Variants in GNAS observed in about 807,000 individuals in gnomAD.
The protein encoded by GNAS is GNAS complex locus.
Under a neutral mutation model 54.5 loss-of-function variants are expected in GNAS, and 8 were observed. The observed-to-expected ratio is 0.15, with a 90% CI of 0.09 to 0.26. The LOEUF is 0.26. Ranked by LOEUF, GNAS falls within the 10% of genes least tolerant of loss-of-function variation. The probability of loss-of-function intolerance (pLI) is 1.00; values close to 1 mark genes in which losing one functional copy is unlikely to be tolerated. For missense variants in GNAS, 170 were observed against 529.8 expected, an observed-to-expected ratio of 0.32 and a Z score of 6.67; for synonymous variants, 204 against 191.4, an observed-to-expected ratio of 1.07 and a Z score of -0.54.
chr20:58,908,934 C>T, intron 6 of GNAS: 1 of 645,490 alleles, frequency 1.5e-6, no homozygotes, highest in Non-Finnish European at 2.8e-6. Context: ...CTAGAGTTCC[C>T]TGATTCCTAA....
upstream of GNAS, among the ~76,000 whole-genome samples, chr20:58,889,726 G>A (rs1254209598): frequency 3.3e-5 from 5 of 151,052 alleles, no homozygotes; most frequent in Admixed American, 1.3e-4. Flanking sequence ...CCCGAAGCCC[G>A]GGCAGCCGCG....
At chr20:58,854,952 G>T in intron 1 of GNAS, 1 of 1,609,822 alleles carries the variant, frequency 6.2e-7, no homozygotes, top group East Asian at 2.2e-5. Flanking sequence ...CGGCCGCCGC[G>T]TGTACTACGA....
chr20:58,853,885 C>G lies in GNAS; in HGVS notation c.43+12999C>G. ...CCCGAGGAGCCCCAAGCCCTCAGGC[C>G]TGCAAAGGCTGGCTCCAGAGGAGGC... On this transcript the variant is annotated intron_variant, in intron 1 of 12. Transcript: ENST00000306090. This position sits in a 1 kb window ranked among gnomAD's most constrained non-coding sequence, Gnocchi z 4.4. The G allele has an allele frequency of 6.3e-7, 1 of 1,599,032 alleles. No individual in the cohort carries two copies. Among genetic ancestry groups the G allele is most frequent in the Non-Finnish European group, 8.5e-7 (1 of 1,173,306 alleles).
At chr20:58,861,695 A>T (rs530931287) in intron 1 of GNAS, among the ~76,000 whole-genome samples, 30 of 152,196 alleles carry the variant, frequency 2.0e-4, no homozygotes, top group South Asian at 4.1e-4. Context: ...GAGGTATTTC[A>T]AAAAGAGGAT....
Position 58,910,587 on chromosome 20 carries a change from G to T in GNAS, c.1039-96G>T. On this transcript the variant is annotated intron_variant, in intron 12 of 12. Coordinates refer to ENST00000371085, the MANE Select transcript of GNAS (RefSeq NM_000516.7). This position sits in a 1 kb window ranked among gnomAD's most constrained non-coding sequence, Gnocchi z 5.8. The stretch of plus-strand genomic sequence containing the variant: ...CTTTTGTTTTCATATGACATCAGAG[G>T]CTGGCTGACAGCCGTCCCTGGTAGG... 6.9e-7 allele frequency: 1 copy of T among 1,448,418 alleles called. No individual in the cohort carries two copies. The highest frequency in any genetic ancestry group is 9.7e-7 in the Non-Finnish European group (1 of 1,034,022). 89.7% of individuals were successfully genotyped at this position (1,448,418 alleles called of 1,614,324 possible).
intron 1 of GNAS, among the ~76,000 whole-genome samples, chr20:58,893,461 C>T (rs2089724607): frequency 6.6e-6 from 1 of 152,120 alleles, no homozygotes; most frequent in Non-Finnish European, 1.5e-5. Context: ...AGTTCGTGGT[C>T]ACATTTCAAC....
At chr20:58,854,063 C>T (rs1158731380) in intron 1 of GNAS, 1 of 1,611,208 alleles carries the variant, frequency 6.2e-7, no homozygotes, top group Admixed American at 1.7e-5. Context: ...CGGTCCGCCT[C>T]ACTCCCGCCG....
Position 58,853,465 on chromosome 20 carries a change from C to A in GNAS, c.43+12579C>A. ...ATCCCCGTCGAGAATGATGGCGAGG[C>A]CTGTGGACCCCCAGAGGTCTCCAGA... On this transcript the variant is annotated intron_variant, in intron 1 of 12. Transcript: ENST00000306090. This position sits in a 1 kb window ranked among gnomAD's most constrained non-coding sequence, Gnocchi z 4.4. 6.2e-7 allele frequency: 1 copy of A among 1,612,474 alleles called. No homozygotes were observed.
intron 1 of GNAS, among the ~76,000 whole-genome samples, chr20:58,885,172 G>A (rs1237480357): frequency 6.6e-6 from 1 of 152,180 alleles, no homozygotes; most frequent in Non-Finnish European, 1.5e-5. Context: ...ATGGGGATGT[G>A]GTGAGAAAGG....
In GNAS at chr20:58,909,189, G is replaced by A. The variant is rs983992843; in HGVS notation, c.558G>A (p.Lys186=). The change falls in exon 7 of 13, where the codon AAG becomes AAA. Residue 186 remains lysine (K), a synonymous_variant. Transcript: ENST00000371085. This position sits in a 1 kb window ranked among gnomAD's most constrained non-coding sequence, Gnocchi z 7.3. ...QYFLDKIDVI[K]QADYVPSDQD... The stretch of plus-strand genomic sequence containing the variant: ...TCCTGGACAAGATCGACGTGATCAA[G>A]CAGGCTGACTATGTGCCGAGCGATC... The A allele has an allele frequency of 6.2e-7, 1 of 1,614,120 alleles. No individual in the cohort carries two copies. Among genetic ancestry groups the A allele is most frequent in the Non-Finnish European group, 8.5e-7 (1 of 1,179,968 alleles).
upstream of GNAS, chr20:58,889,099 C>A: frequency 9.1e-7 from 1 of 1,092,986 alleles, no homozygotes; most frequent in Admixed American, 4.2e-5. Flanking sequence ...TTATAGGGGC[C>A]GCTGCTATGG....
In GNAS at chr20:58,909,365, C is replaced by G. The variant is rs11554273; in HGVS notation, c.601C>G (p.Arg201Gly). ...VPSDQDLLRC[R>G]VLTSGIFETK... Reference sequence around the variant, plus strand: ...TTTGTTTCAGGACCTGCTTCGCTGCCGTGTCCTGACTTCTGGAATCTTTGA... The same window carrying G: ...TTTGTTTCAGGACCTGCTTCGCTGCGGTGTCCTGACTTCTGGAATCTTTGA... The change falls in exon 8 of 13, where the codon CGT becomes GGT. Residue 201 changes from arginine to glycine, a missense_variant. Arg to Gly is a moderately radical substitution (Grantham distance 125). Coordinates refer to ENST00000371085, the MANE Select transcript of GNAS (RefSeq NM_000516.7). The surrounding 1 kb of genome is among the most constrained non-coding windows in gnomAD (Gnocchi z 7.3). The G allele has an allele frequency of 6.2e-7, 1 of 1,613,664 alleles. No homozygotes were observed. The highest frequency in any genetic ancestry group is 1.7e-5 in the Admixed American group (1 of 60,018).
intron 1 of GNAS, among the ~76,000 whole-genome samples, chr20:58,870,968 C>T (rs2087403917): frequency 6.6e-6 from 1 of 152,228 alleles, no homozygotes; most frequent in African/African-American, 2.4e-5. Flanking sequence ...GTTCTTTACT[C>T]AGGTGTATGC....
chr20:58,866,415 G>A (rs541824431), intron 1 of GNAS, among the ~76,000 whole-genome samples: 14 of 152,154 alleles, frequency 9.2e-5, no homozygotes, highest in Admixed American at 4.6e-4. Flanking sequence ...AGAGTCTTGC[G>A]CTTGGTCTCT....
chr20:58,889,150 T>C, upstream of GNAS: 2 of 1,213,882 alleles, frequency 1.6e-6, no homozygotes, highest in Non-Finnish European at 2.1e-6. Flanking sequence ...CGGGGCCGGT[T>C]AGAAGCTCTG....
In GNAS at chr20:58,911,020, G is replaced by A. The variant is rs1432201652; in HGVS notation, c.*191G>A. On this transcript the variant is annotated 3_prime_UTR_variant, in exon 13 of 13. Coordinates refer to ENST00000371085, the MANE Select transcript of GNAS (RefSeq NM_000516.7). ...ATGTTCCAAATTTAGAAAGCTTAAGGCGGCCTACAGAAAAAGGAAAAAAGG... is the reference window on the plus strand; with the variant it reads ...ATGTTCCAAATTTAGAAAGCTTAAGACGGCCTACAGAAAAAGGAAAAAAGG... 1 of 702,570 alleles carries A rather than the reference G, an allele frequency of 1.4e-6. No homozygotes were observed. Among genetic ancestry groups the A allele is most frequent in the Non-Finnish European group, 2.6e-6 (1 of 390,770 alleles). The allele number at this position is 702,570 out of a possible 1,614,324, so 43.5% of individuals were successfully genotyped here.
intron 1 of GNAS, among the ~76,000 whole-genome samples, chr20:58,861,593 G>T (rs2086784474): frequency 6.6e-6 from 1 of 152,186 alleles, no homozygotes. Context: ...TGAAAAGTCT[G>T]CAAGTCCTAA....
chr20:58,843,210 T>TCCTCCCCCGCTCAATTCC (rs1568912084), intron 1 of GNAS: 5 of 107,270 alleles, frequency 4.7e-5, no homozygotes, highest in Non-Finnish European at 9.4e-5. Context: ...CGCTCAATTC[T>TCCTCCCCCGCTCAATTCC]CCTCCCCCGC....
At position 58,891,422 on chromosome 20, in the gene GNAS, G is replaced by A; in HGVS notation, c.-305G>A. The A allele has an allele frequency of 2.7e-6, 1 of 375,320 alleles. No individual in the cohort carries two copies. Among genetic ancestry groups the A allele is most frequent in the Non-Finnish European group, 3.6e-6 (1 of 275,970 alleles). 23.2% of individuals were successfully genotyped at this position (375,320 alleles called of 1,614,324 possible). ...AGCGGCGGCGGCGGCAGCGGCGGCAGCAGCTCCCGCAGCTCCTGCTCTGGT... is the reference window on the plus strand; with the variant it reads ...AGCGGCGGCGGCGGCAGCGGCGGCAACAGCTCCCGCAGCTCCTGCTCTGGT... On this transcript the variant is annotated 5_prime_UTR_variant, in exon 1 of 13. Transcript: ENST00000371085.
Sources: allele counts gnomAD v4.1 joint callset (sites outside exome capture counted in the v4.1 genomes callset), GRCh38; gene constraint gnomAD v4.1.1; non-coding constraint Gnocchi (gnomAD v3.1); transcripts MANE v1.5; gene names NCBI Gene and HGNC (gene_info 2026-07-23, HGNC 2026-07-21).